Variants in CPEB3 observed in about 807,000 individuals in gnomAD.
CPEB3 encodes cytoplasmic polyadenylation element binding protein 3.
CPEB3 carries 20 observed loss-of-function variants against 67.2 expected under a neutral mutation model. The ratio of observed to expected loss-of-function variants is 0.30; its 90% CI spans 0.21 to 0.43. The LOEUF (loss-of-function observed/expected upper bound fraction) is 0.43. CPEB3 is among the 20% of genes least tolerant of loss of function. The pLI is 1.00. For synonymous variants in CPEB3, 376 were observed against 393.1 expected (o/e 0.96, Z 0.51); for missense variants, 746 against 968.6 (o/e 0.77, Z 3.05).
At chr10:92,243,974 T>C (rs961644809) in intron 1 of CPEB3, among the ~76,000 whole-genome samples, 4 of 152,216 alleles carry the variant, frequency 2.6e-5, no homozygotes, top group Non-Finnish European at 5.9e-5. Context: ...AAGTTCACCT[T>C]GCATTATTCA....
At chr10:92,192,907 C>T (rs996311899) in intron 2 of CPEB3, among the ~76,000 whole-genome samples, 2 of 152,112 alleles carry the variant, frequency 1.3e-5, no homozygotes, top group Non-Finnish European at 2.9e-5. Flanking sequence ...CGTGAGCTAC[C>T]GCGCTGATCC....
intron 2 of CPEB3, among the ~76,000 whole-genome samples, chr10:92,193,198 C>T (rs888752346): frequency 1.3e-5 from 2 of 151,536 alleles, no homozygotes; most frequent in African/African-American, 4.9e-5. Flanking sequence ...GATGACAGAG[C>T]AAGACTCCAT....
At chr10:92,161,804 T>C (rs1590271976) in intron 4 of CPEB3, among the ~76,000 whole-genome samples, 1 of 152,136 alleles carries the variant, frequency 6.6e-6, no homozygotes, top group East Asian at 1.9e-4. Flanking sequence ...ACTAGGACTA[T>C]AGGCGTGCAC....
At chr10:92,260,310 G>A (rs1852733234) in intron 1 of CPEB3, among the ~76,000 whole-genome samples, 1 of 152,116 alleles carries the variant, frequency 6.6e-6, no homozygotes, top group African/African-American at 2.4e-5. Flanking sequence ...CAGCACTTTG[G>A]GAGGCAGAGG....
chr10:92,249,235 A>G (rs547520050), intron 1 of CPEB3, among the ~76,000 whole-genome samples: 35 of 152,032 alleles, frequency 2.3e-4, no homozygotes, highest in South Asian at 6.2e-4. Context: ...AAAAATTAGC[A>G]GGGCATGGTG....
intron 1 of CPEB3, among the ~76,000 whole-genome samples, chr10:92,271,388 A>G (rs1014282461): frequency 6.6e-6 from 1 of 152,162 alleles, no homozygotes; most frequent in Admixed American, 6.5e-5. Context: ...TTGACACACT[A>G]ATGTCCCACC....
At chr10:92,122,018 C>T (rs904093834) in intron 6 of CPEB3, among the ~76,000 whole-genome samples, 1 of 152,018 alleles carries the variant, frequency 6.6e-6, no homozygotes, top group Non-Finnish European at 1.5e-5. Flanking sequence ...TCAAGGGTAC[C>T]AAAAACATCT....
At chr10:92,278,537 A>G (rs1258459537) in intron 1 of CPEB3, among the ~76,000 whole-genome samples, 1 of 151,948 alleles carries the variant, frequency 6.6e-6, no homozygotes, top group Non-Finnish European at 1.5e-5. Context: ...AATTTACATA[A>G]ACACAATACC....
Position 92,144,005 on chromosome 10 carries a change from A to G in CPEB3, c.1364-887T>C, listed in dbSNP as rs534210668. ...AAAAACAAGACTGTTAGAATATCAGACAGTATTTTTATATCAGACCCAAAG... is the reference window on the plus strand; with the variant it reads ...AAAAACAAGACTGTTAGAATATCAGGCAGTATTTTTATATCAGACCCAAAG... On this transcript the variant is annotated intron_variant, in intron 5 of 9. Coordinates refer to ENST00000265997, the MANE Select transcript of CPEB3 (RefSeq NM_014912.5). 5.3e-5 allele frequency among the ~76,000 whole-genome samples: 8 copies of G among 152,362 alleles called. No homozygotes were observed. In the South Asian group the frequency reaches 1.7e-3, roughly 32 times the overall value.
At chr10:92,190,848 G>C (rs74648516) in intron 3 of CPEB3, among the ~76,000 whole-genome samples, 1,590 of 152,112 alleles carry the variant, frequency 0.01, 19 homozygotes, top group African/African-American at 0.037. Flanking sequence ...GACTCTCACT[G>C]TTAATTTACC....
chr10:92,252,244 G>A (rs990237235), intron 1 of CPEB3, among the ~76,000 whole-genome samples: 6 of 152,078 alleles, frequency 3.9e-5, no homozygotes, highest in Non-Finnish European at 7.4e-5. Flanking sequence ...AGAATGGCTA[G>A]AACTGGAAAA....
intron 2 of CPEB3, among the ~76,000 whole-genome samples, chr10:92,214,156 G>C (rs1280242054): frequency 6.6e-6 from 1 of 152,092 alleles, no homozygotes; most frequent in African/African-American, 2.4e-5. Context: ...TAAGAGGTGG[G>C]GGGCCTTTTG....
intron 7 of CPEB3, among the ~76,000 whole-genome samples, chr10:92,099,793 G>A (rs1416873199): frequency 6.6e-6 from 1 of 151,560 alleles, no homozygotes; most frequent in African/African-American, 2.4e-5. Flanking sequence ...GAATCTGGGA[G>A]GCAGAGGTTG....
chr10:92,240,244 G>A lies in CPEB3; in HGVS notation c.107C>T (p.Pro36Leu). 2.6e-6 allele frequency: 4 copies of A among 1,511,412 alleles called. No individual in the cohort carries two copies. The South Asian group carries it at 3.9e-5, about 15-fold the overall frequency. The allele number at this position is 1,511,412 out of a possible 1,614,324, so 93.6% of individuals were successfully genotyped here. The change falls in exon 2 of 10, where the codon CCG (proline) becomes CTG (leucine). Residue 36 changes from proline to leucine, a missense_variant. Pro to Leu is a moderately conservative substitution (Grantham distance 98). Coordinates refer to ENST00000265997, the MANE Select transcript of CPEB3 (RefSeq NM_014912.5). ...GGTCTCTGAGGAGAGGGGCGTGGAC[G>A]GGGCTTCGGATACGCTGGACTCAGG... Reference protein sequence around the residue: ...PQPESSVSEAPSTPLSSETPK... With the variant: ...PQPESSVSEALSTPLSSETPK...
At chr10:92,106,549 T>C (rs1303698993) in intron 7 of CPEB3, among the ~76,000 whole-genome samples, 1 of 152,042 alleles carries the variant, frequency 6.6e-6, no homozygotes, top group East Asian at 1.9e-4. Context: ...GTGCGGTGGC[T>C]CACGCTTGTA....
At chr10:92,092,661 T>A (rs1302186205) in intron 7 of CPEB3, among the ~76,000 whole-genome samples, 1 of 151,994 alleles carries the variant, frequency 6.6e-6, no homozygotes, top group Non-Finnish European at 1.5e-5. Context: ...ACGCCTGTAG[T>A]CCCAGCTACT....
At position 92,048,385 on chromosome 10, in the gene CPEB3, TCTCACA is replaced by T. The variant is rs1458093404; in HGVS notation, c.*3821_*3826del. 4.2e-5 allele frequency: 5 copies of T among 119,876 alleles called. No individual in the cohort carries two copies. Among genetic ancestry groups the T allele is most frequent in the African/African-American group, 1.7e-4 (5 of 29,916 alleles). The allele number at this position is 119,876 out of a possible 1,614,324, so 7.4% of individuals were successfully genotyped here. On this transcript the variant is annotated 3_prime_UTR_variant, in exon 10 of 10. Transcript: ENST00000265997. This position sits in a 1 kb window ranked among gnomAD's most constrained non-coding sequence, Gnocchi z 4.1. ...TTTTCTCTCTCTCTCTCTCTCTCTC[TCTCACA>T]CACACACACACACACACGACATAAT... is the stretch of plus-strand genomic sequence containing the variant.
Position 92,048,172 on chromosome 10 carries a change from C to T in CPEB3, c.*4040G>A, listed in dbSNP as rs1288636727. 1 of 152,220 alleles carries T rather than the reference C, an allele frequency of 6.6e-6. No individual in the cohort carries two copies. Among genetic ancestry groups the T allele is most frequent in the African/African-American group, 2.4e-5 (1 of 41,424 alleles). 9.4% of individuals were successfully genotyped at this position (152,220 alleles called of 1,614,324 possible). On this transcript the variant is annotated 3_prime_UTR_variant, in exon 10 of 10. Coordinates refer to ENST00000265997, the MANE Select transcript of CPEB3 (RefSeq NM_014912.5). The surrounding 1 kb of genome is among the most constrained non-coding windows in gnomAD (Gnocchi z 4.1). ...ACATCCGAGTGTGCTTCCTCAGTGC[C>T]ACCAACTGAGCCTTACAGGGAGGCA...
At chr10:92,130,608 G>A (rs1236139713) in intron 6 of CPEB3, among the ~76,000 whole-genome samples, 2 of 150,952 alleles carry the variant, frequency 1.3e-5, no homozygotes, top group African/African-American at 2.4e-5. Context: ...AACATGCAAC[G>A]AGACAGTCCA....
Sources: gnomAD v4.1 joint callset for allele counts (sites outside exome capture counted in the v4.1 genomes callset) on GRCh38, gnomAD v4.1.1 for gene constraint, Gnocchi (gnomAD v3.1) non-coding constraint, MANE v1.5 for transcripts, NCBI Gene and HGNC (gene_info 2026-07-23, HGNC 2026-07-21) for gene names.